The following DPP10 variants were observed in gnomAD, a reference collection of about 807,000 sequenced individuals.
The protein encoded by DPP10 is inactive dipeptidyl peptidase 10.
Under a neutral mutation model 120.9 loss-of-function variants are expected in DPP10, and 33 were observed. That is an observed-to-expected ratio of 0.27 (90% CI 0.21 to 0.37). DPP10 has a LOEUF of 0.37. DPP10 is among the 10% of genes least tolerant of loss of function. DPP10 has a pLI of 1.00. For synonymous variants in DPP10, 337 were observed against 326.1 expected (o/e 1.03, Z -0.36); for missense variants, 816 against 942.8 (o/e 0.87, Z 1.76).
rs560659156 is a variant in DPP10, at chr2:115,234,816, G to A, written c.61-74423G>A. 3.1e-4 allele frequency among the ~76,000 whole-genome samples: 47 copies of A among 152,058 alleles called. 2 individuals are homozygous for A. The South Asian group carries it at 7.5e-3, about 24-fold the overall frequency. On this transcript the variant is annotated intron_variant, in intron 1 of 25. Transcript: ENST00000410059. ...CTACTTAATACATATAAGCACCCAC[G>A]CATGCTTATACTTTAGTAGTCTTTT...
chr2:114,669,472 TGAAG>T (rs745721681), intron 1 of DPP10, among the ~76,000 whole-genome samples: 1 of 152,178 alleles, frequency 6.6e-6, no homozygotes, highest in South Asian at 2.1e-4. Context: ...CTTATGTCAA[TGAAG>T]GAGTTACGTC....
intron 7 of DPP10, among the ~76,000 whole-genome samples, chr2:115,704,668 T>C (rs1575567071): frequency 6.6e-6 from 1 of 152,136 alleles, no homozygotes; most frequent in Non-Finnish European, 1.5e-5. Flanking sequence ...TATGAGAAGA[T>C]AGATCTTGTA....
At chr2:114,462,356 TC>T (rs1355056935) in intron 1 of DPP10, among the ~76,000 whole-genome samples, 4 of 152,186 alleles carry the variant, frequency 2.6e-5, no homozygotes, top group African/African-American at 9.7e-5. Flanking sequence ...TCCCCTAACC[TC>T]CTGTTCCAGG....
chr2:115,729,124 A>G (rs549445618), intron 8 of DPP10, among the ~76,000 whole-genome samples: 2 of 152,310 alleles, frequency 1.3e-5, no homozygotes, highest in Admixed American at 1.3e-4. Flanking sequence ...TACACAGGTA[A>G]GGAGTGTTCA....
chr2:115,564,914 A>C (rs1267350333), intron 5 of DPP10, among the ~76,000 whole-genome samples: 2 of 152,206 alleles, frequency 1.3e-5, no homozygotes, highest in African/African-American at 2.4e-5. Context: ...TCCTGGGCTT[A>C]GACGTGGCCT....
chr2:115,326,521 T>A (rs921507562), intron 2 of DPP10, among the ~76,000 whole-genome samples: 3 of 152,018 alleles, frequency 2.0e-5, no homozygotes, highest in African/African-American at 7.2e-5. Context: ...AACTGTATAA[T>A]AGCCTCACGA....
At chr2:114,568,236 T>A (rs1689360010) in intron 1 of DPP10, among the ~76,000 whole-genome samples, 2 of 152,128 alleles carry the variant, frequency 1.3e-5, no homozygotes, top group African/African-American at 4.8e-5. Context: ...GCATAGAATG[T>A]ATGATGATCA....
At chr2:114,908,564 A>G (rs1285879808) in intron 1 of DPP10, among the ~76,000 whole-genome samples, 2 of 151,850 alleles carry the variant, frequency 1.3e-5, no homozygotes, top group African/African-American at 4.8e-5. Context: ...TAATCTTATA[A>G]AGCTCTATTC....
In DPP10 at chr2:115,708,199, T is replaced by C. The variant is rs746439866; in HGVS notation, c.576+18278T>C. Among the ~76,000 whole-genome samples, 19 of 152,106 alleles carry C rather than the reference T, an allele frequency of 1.2e-4. 1 individual carries two copies. The highest frequency in any genetic ancestry group is 8.3e-4 in the South Asian group (4 of 4,830). The stretch of plus-strand genomic sequence containing the variant: ...ATGTTGGTATGGTCTTTAACGTTTA[T>C]GTTATTATGTTACATATTGTTTTAA... On this transcript the variant is annotated intron_variant, in intron 7 of 25. Coordinates refer to ENST00000410059, the MANE Select transcript of DPP10 (RefSeq NM_020868.6).
intron 6 of DPP10, 47 bp from the exon 7 acceptor site, chr2:115,689,793 G>T (rs572778808): frequency 1.2e-6 from 2 of 1,609,990 alleles, no homozygotes; most frequent in Admixed American, 1.7e-5. Context: ...TAAATTGTTG[G>T]TGTAGATATC....
At chr2:114,571,301 C>T (rs1689626295) in intron 1 of DPP10, among the ~76,000 whole-genome samples, 1 of 151,970 alleles carries the variant, frequency 6.6e-6, no homozygotes, top group African/African-American at 2.4e-5. Flanking sequence ...AAGTGTGGTG[C>T]CTCCTCACTC....
At chr2:114,567,991 C>T (rs540371294) in intron 1 of DPP10, among the ~76,000 whole-genome samples, 1 of 145,734 alleles carries the variant, frequency 6.9e-6, no homozygotes, top group Admixed American at 7.0e-5. Context: ...ACAACCTGTA[C>T]ATCCTGCACA....
intron 1 of DPP10, among the ~76,000 whole-genome samples, chr2:114,868,857 A>G (rs1690449324): frequency 6.6e-6 from 1 of 152,172 alleles, no homozygotes; most frequent in Admixed American, 6.6e-5. Flanking sequence ...AGGGTCAACC[A>G]GAGCTGGCTC....
chr2:115,178,896 A>G (rs1319727067), intron 1 of DPP10, among the ~76,000 whole-genome samples: 2 of 152,188 alleles, frequency 1.3e-5, no homozygotes, highest in Non-Finnish European at 2.9e-5. Flanking sequence ...AAGTTCCTCT[A>G]CCTATTATGG....
chr2:115,814,585 G>A (rs763508701), intron 19 of DPP10: 2 of 375,496 alleles, frequency 5.3e-6, no homozygotes, highest in Non-Finnish European at 9.4e-6. Context: ...TTCATTCAGG[G>A]AACTTTTCAA....
At chr2:115,014,868 A>AG (rs1476024441) in intron 1 of DPP10, among the ~76,000 whole-genome samples, 1 of 150,486 alleles carries the variant, frequency 6.6e-6, no homozygotes, top group East Asian at 1.9e-4. Context: ...CAACCAAAAA[A>AG]AAAAAAAAAA....
intron 1 of DPP10, among the ~76,000 whole-genome samples, chr2:114,995,407 C>T (rs1574655174): frequency 9.7e-6 from 1 of 102,598 alleles, no homozygotes; most frequent in African/African-American, 3.7e-5. Context: ...TGTTGAATGC[C>T]GTTATTGTTC....
At chr2:114,811,837 C>T (rs946747538) in intron 1 of DPP10, among the ~76,000 whole-genome samples, 4 of 152,172 alleles carry the variant, frequency 2.6e-5, no homozygotes, top group African/African-American at 4.8e-5. Flanking sequence ...AGAAAAGATA[C>T]AATTTCTTTT....
At chr2:114,730,735 C>T (rs186464473) in intron 1 of DPP10, among the ~76,000 whole-genome samples, 28 of 151,724 alleles carry the variant, frequency 1.8e-4, no homozygotes, top group African/African-American at 5.8e-4. Flanking sequence ...CTGGGACTAC[C>T]GACATGCACC....
Sources: allele counts gnomAD v4.1 joint callset (sites outside exome capture counted in the v4.1 genomes callset), GRCh38; gene constraint gnomAD v4.1.1; transcripts MANE v1.5; gene names NCBI Gene and HGNC (gene_info 2026-07-23, HGNC 2026-07-21).